The following LSAMP variants were observed in gnomAD, a reference collection of about 807,000 sequenced individuals.
The protein encoded by LSAMP is limbic system-associated membrane protein.
In LSAMP, 7 loss-of-function variants were observed where a neutral mutation model predicts 38.6. That is an observed-to-expected ratio of 0.18 (90% CI 0.10 to 0.34). LSAMP has a LOEUF of 0.34. LSAMP is among the 10% of genes least tolerant of loss of function. The pLI is 1.00. For missense variants in LSAMP, 313 were observed against 420.0 expected, an observed-to-expected ratio of 0.75 and a Z score of 2.23; for synonymous variants, 154 against 166.8, an observed-to-expected ratio of 0.92 and a Z score of 0.59.
chr3:115,826,867 C>T (rs1336137609), intron 6 of LSAMP, among the ~76,000 whole-genome samples: 1 of 150,046 alleles, frequency 6.7e-6, no homozygotes, highest in Non-Finnish European at 1.5e-5. Flanking sequence ...CATCTAAATA[C>T]AGAAAAAAAA....
intron 1 of LSAMP, among the ~76,000 whole-genome samples, chr3:116,250,787 T>C (rs1040685138): frequency 6.6e-6 from 1 of 151,986 alleles, no homozygotes; most frequent in Non-Finnish European, 1.5e-5. Context: ...GGGGATCACT[T>C]GGGCCTGGGA....
intron 1 of LSAMP, among the ~76,000 whole-genome samples, chr3:116,366,091 A>G (rs2048349751): frequency 1.3e-5 from 2 of 149,040 alleles, no homozygotes; most frequent in Admixed American, 6.7e-5. Context: ...AATAACCTAC[A>G]GAATGAGAGA....
chr3:116,178,042 T>G (rs1412854736), intron 1 of LSAMP, among the ~76,000 whole-genome samples: 2 of 152,096 alleles, frequency 1.3e-5, no homozygotes, highest in African/African-American at 4.8e-5. Context: ...GAAAGCAGGG[T>G]TAGTAGGTAA....
rs192612433 is a variant in LSAMP, at chr3:115,888,729, A to G, written c.515-36112T>C. On this transcript the variant is annotated intron_variant, in intron 3 of 6. Transcript: ENST00000490035. ...TCCCAGGGAGTGCCTATATTGAACA[A>G]ATTTCTATTTTTTCTTCTTAGTTCC... Among the ~76,000 whole-genome samples, 165 of 151,946 alleles carry G rather than the reference A, an allele frequency of 1.1e-3. 1 individual carries two copies. The highest frequency in any genetic ancestry group is 4.3e-4 in the Non-Finnish European group (29 of 67,900).
At chr3:116,244,687 T>C (rs1408415481) in intron 1 of LSAMP, among the ~76,000 whole-genome samples, 1 of 152,162 alleles carries the variant, frequency 6.6e-6, no homozygotes, top group Non-Finnish European at 1.5e-5. Context: ...TTATGTATGT[T>C]CTGTCCCCTC....
intron 3 of LSAMP, among the ~76,000 whole-genome samples, chr3:115,952,185 C>G (rs1938313447): frequency 6.6e-6 from 1 of 152,172 alleles, no homozygotes; most frequent in Non-Finnish European, 1.5e-5. Context: ...AAAAGTAGAA[C>G]TACCATTTGA....
intron 1 of LSAMP, among the ~76,000 whole-genome samples, chr3:116,444,128 C>A (rs1394313869): frequency 1.3e-5 from 2 of 152,064 alleles, no homozygotes; most frequent in Admixed American, 6.6e-5. Context: ...CAGGTTAATT[C>A]TCTCCCAACC....
At chr3:116,195,704 T>C (rs1710866335) in intron 1 of LSAMP, among the ~76,000 whole-genome samples, 1 of 115,082 alleles carries the variant, frequency 8.7e-6, no homozygotes, top group Non-Finnish European at 1.8e-5. Flanking sequence ...TAAAAGTCTT[T>C]TAGAAAAAAA....
intron 1 of LSAMP, among the ~76,000 whole-genome samples, chr3:116,228,763 T>C (rs1443625003): frequency 2.0e-5 from 3 of 152,100 alleles, no homozygotes; most frequent in Admixed American, 2.0e-4. Context: ...GTGGGTACTA[T>C]AAGAAAACTA....
intron 2 of LSAMP, among the ~76,000 whole-genome samples, chr3:116,028,135 A>G (rs531705403): frequency 6.6e-6 from 1 of 152,308 alleles, no homozygotes; most frequent in South Asian, 2.1e-4. Context: ...AATCTACACA[A>G]TGTTTCTTGA....
chr3:116,256,670 T>C (rs566226734), intron 1 of LSAMP, among the ~76,000 whole-genome samples: 1 of 152,274 alleles, frequency 6.6e-6, no homozygotes, highest in African/African-American at 2.4e-5. Flanking sequence ...CTGTTACAAT[T>C]TATGCATTTC....
rs547061831 is a variant in LSAMP at position 115,838,844 on chromosome 3, C to T, written c.919+3001G>A. 2.0e-5 allele frequency among the ~76,000 whole-genome samples: 3 copies of T among 152,322 alleles called. No individual in the cohort carries two copies. The East Asian group carries it at 5.8e-4, about 29-fold the overall frequency. On this transcript the variant is annotated intron_variant, in intron 6 of 6. Transcript: ENST00000490035. ...AAGTTTACACTGTGTGAAAAGTCAG[C>T]TCATCACTGTGGTGGATACGGCTGA...
intron 2 of LSAMP, among the ~76,000 whole-genome samples, chr3:116,033,661 C>T (rs1393159212): frequency 1.3e-5 from 2 of 152,118 alleles, no homozygotes; most frequent in East Asian, 1.9e-4. Context: ...AGCCACGACC[C>T]TCTGTGACTG....
At chr3:116,334,680 G>C (rs368323845) in intron 1 of LSAMP, among the ~76,000 whole-genome samples, 1 of 152,002 alleles carries the variant, frequency 6.6e-6, no homozygotes, top group Admixed American at 6.6e-5. Context: ...AAAGATGATA[G>C]TTTACAAAAT....
At chr3:115,824,483 A>T (rs1934343731) in intron 6 of LSAMP, among the ~76,000 whole-genome samples, 1 of 152,104 alleles carries the variant, frequency 6.6e-6, no homozygotes, top group Non-Finnish European at 1.5e-5. Flanking sequence ...CGTGCAGATC[A>T]CGAGGTCAGG....
At chr3:115,868,780 A>ACAGATTC (rs1935932513) in intron 3 of LSAMP, among the ~76,000 whole-genome samples, 1 of 152,144 alleles carries the variant, frequency 6.6e-6, no homozygotes, top group Non-Finnish European at 1.5e-5. Context: ...ACAATCCAGG[A>ACAGATTC]CAGATTCTCA....
At chr3:116,075,310 G>A (rs942719697) in intron 2 of LSAMP, among the ~76,000 whole-genome samples, 7 of 150,592 alleles carry the variant, frequency 4.6e-5, no homozygotes, top group Non-Finnish European at 8.9e-5. Flanking sequence ...CTAATTTCTT[G>A]TATTTTTAGT....
chr3:116,323,591 G>T (rs58693944), intron 1 of LSAMP, among the ~76,000 whole-genome samples: 2,325 of 152,086 alleles, frequency 0.015, 63 homozygotes, highest in African/African-American at 0.054. Context: ...CTTCCATCTT[G>T]GTAACTTTAC....
chr3:116,407,098 A>T (rs1031053602), intron 1 of LSAMP, among the ~76,000 whole-genome samples: 6 of 151,720 alleles, frequency 4.0e-5, no homozygotes, highest in African/African-American at 1.2e-4. Context: ...GAAGACTGAT[A>T]AAAAAAATAG....
Sources: gnomAD v4.1 joint callset for allele counts (sites outside exome capture counted in the v4.1 genomes callset) on GRCh38, gnomAD v4.1.1 for gene constraint, MANE v1.5 for transcripts, NCBI Gene and HGNC (gene_info 2026-07-23, HGNC 2026-07-21) for gene names.